The following PAM variants were observed in gnomAD, a reference collection of about 807,000 sequenced individuals.
The protein encoded by PAM is peptidylglycine alpha-amidating monooxygenase.
In PAM, 72 loss-of-function variants were observed where a neutral mutation model predicts 122.1. The observed-to-expected ratio is 0.59, with a 90% confidence interval of 0.49 to 0.72. The LOEUF is 0.72. Among genes scored for constraint, PAM ranks in the 30% least tolerant of loss-of-function variants. The pLI is 0.00. For synonymous variants in PAM, 389 were observed against 404.4 expected (o/e 0.96, Z 0.46); for missense variants, 1,106 against 1,183.7 (o/e 0.93, Z 0.96).
At chr5:102,764,237 G>A (rs1209005385) in intron 1 of PAM, among the ~76,000 whole-genome samples, 1 of 151,400 alleles carries the variant, frequency 6.6e-6, no homozygotes, top group East Asian at 1.9e-4. Context: ...CTTATTAATG[G>A]GAGTGACAGA....
chr5:102,761,760 T>C (rs1484194970), intron 1 of PAM, among the ~76,000 whole-genome samples: 2 of 152,278 alleles, frequency 1.3e-5, no homozygotes, highest in African/African-American at 4.8e-5. Flanking sequence ...TAGAACTCTT[T>C]TGAAGGGAAC....
At chr5:102,885,711 T>G (rs749121804) in intron 3 of PAM, among the ~76,000 whole-genome samples, 1 of 152,036 alleles carries the variant, frequency 6.6e-6, no homozygotes, top group Admixed American at 6.6e-5. Context: ...AAATTTGTCT[T>G]ACTCATTTCT....
intron 1 of PAM, among the ~76,000 whole-genome samples, chr5:102,829,320 A>G (rs1271605333): frequency 1.3e-5 from 2 of 151,538 alleles, no homozygotes; most frequent in Non-Finnish European, 2.9e-5. Context: ...GATATTTAGT[A>G]TATAGTCGTT....
intron 3 of PAM, among the ~76,000 whole-genome samples, chr5:102,899,677 TG>T (rs755206154): frequency 2.0e-5 from 3 of 151,764 alleles, no homozygotes; most frequent in Non-Finnish European, 4.4e-5. Context: ...CTGCACTTTT[TG>T]GTGTCCAAGA....
intron 1 of PAM, among the ~76,000 whole-genome samples, chr5:102,824,176 A>G (rs966116987): frequency 2.0e-5 from 3 of 152,210 alleles, no homozygotes; most frequent in African/African-American, 7.2e-5. Context: ...ATTGCAAGAA[A>G]AAGGCTGTTG....
At chr5:102,960,218 C>CGAT (rs1762056093) in intron 13 of PAM, among the ~76,000 whole-genome samples, 159 bp downstream of exon 13, 1 of 151,888 alleles carries the variant, frequency 6.6e-6, no homozygotes, top group East Asian at 1.9e-4. Context: ...CTTTCATATC[C>CGAT]TATCTCCCCT....
intron 7 of PAM, 25 bp from the exon 8 acceptor site, chr5:102,946,812 T>C (rs1322951567): frequency 1.4e-6 from 2 of 1,420,672 alleles, no homozygotes; most frequent in South Asian, 1.2e-5. Context: ...ATATTTAAGA[T>C]ATGTGTTTCT....
At chr5:102,845,538 G>A (rs1779751401) in intron 1 of PAM, among the ~76,000 whole-genome samples, 1 of 152,170 alleles carries the variant, frequency 6.6e-6, no homozygotes, top group African/African-American at 2.4e-5. Context: ...CTACAGCCTA[G>A]ACTGTCATAA....
At chr5:102,855,583 A>G (rs1362925765) in intron 1 of PAM, among the ~76,000 whole-genome samples, 1 of 152,184 alleles carries the variant, frequency 6.6e-6, no homozygotes, top group African/African-American at 2.4e-5. Context: ...TTGTAACTGC[A>G]TGGTCTGGGT....
intron 21 of PAM, among the ~76,000 whole-genome samples, chr5:103,012,201 C>T (rs1582894443): frequency 2.0e-5 from 3 of 152,090 alleles, no homozygotes; most frequent in South Asian, 2.1e-4. Context: ...TTTTTTTCCT[C>T]ATTCTGTGGG....
At chr5:102,758,434 G>A (rs2431329) in intron 1 of PAM, among the ~76,000 whole-genome samples, 67,836 of 151,894 alleles carry the variant, frequency 0.45, 15,335 homozygotes, top group African/African-American at 0.49. Flanking sequence ...TACTGCCCTG[G>A]AAGCCGTGTC....
chr5:102,819,097 C>T (rs1442405466), intron 1 of PAM, among the ~76,000 whole-genome samples: 1 of 152,126 alleles, frequency 6.6e-6, no homozygotes, highest in Non-Finnish European at 1.5e-5. Context: ...TCTCTTTAAT[C>T]TCTCCTATAT....
chr5:102,808,945 ATGTTCAGCT>A (rs1300734757), intron 1 of PAM, among the ~76,000 whole-genome samples: 3 of 152,214 alleles, frequency 2.0e-5, no homozygotes, highest in African/African-American at 4.8e-5. Flanking sequence ...TAATCCAGCT[ATGTTCAGCT>A]TTACAGAAAG....
chr5:102,776,988 G>A (rs1045336387), intron 1 of PAM, among the ~76,000 whole-genome samples: 7 of 151,908 alleles, frequency 4.6e-5, no homozygotes, highest in African/African-American at 1.4e-4. Flanking sequence ...TTGCAAGTAT[G>A]CAGAAAAGTT....
At chr5:102,803,555 G>T (rs911564362) in intron 1 of PAM, among the ~76,000 whole-genome samples, 8 of 152,126 alleles carry the variant, frequency 5.3e-5, no homozygotes, top group African/African-American at 1.9e-4. Flanking sequence ...GCAGATTGGG[G>T]CATCAGGGAC....
chr5:102,957,820 G>A (rs1582166771), intron 12 of PAM, among the ~76,000 whole-genome samples: 1 of 152,136 alleles, frequency 6.6e-6, no homozygotes, highest in African/African-American at 2.4e-5. Context: ...GAGCCATCGT[G>A]CCCGGCAGGC....
At chr5:102,891,290 T>C (rs755727388) in intron 3 of PAM, among the ~76,000 whole-genome samples, 1 of 151,896 alleles carries the variant, frequency 6.6e-6, no homozygotes, top group Non-Finnish European at 1.5e-5. Flanking sequence ...GGAGTTTTGT[T>C]GTAATTGCCT....
chr5:102,830,524 TTAC>T (rs1288753078), intron 1 of PAM, among the ~76,000 whole-genome samples: 10 of 152,224 alleles, frequency 6.6e-5, no homozygotes, highest in Admixed American at 6.5e-4. Context: ...GACTCTCCTC[TTAC>T]TACACCCTCA....
intron 1 of PAM, among the ~76,000 whole-genome samples, chr5:102,793,477 G>C (rs1297746311): frequency 3.3e-5 from 5 of 152,198 alleles, no homozygotes; most frequent in Non-Finnish European, 7.4e-5. Flanking sequence ...GCTGCAGTGA[G>C]CCTGATCGCA....
Sources: gnomAD v4.1 joint callset for allele counts (sites outside exome capture counted in the v4.1 genomes callset) on GRCh38, gnomAD v4.1.1 for gene constraint, MANE v1.5 for transcripts, NCBI Gene and HGNC (gene_info 2026-07-23, HGNC 2026-07-21) for gene names.